The following TTLL8 variants were observed in gnomAD, a reference collection of about 807,000 sequenced individuals.
TTLL8 encodes the protein tubulin tyrosine ligase like 8.
In TTLL8, 65 loss-of-function variants were observed where a neutral mutation model predicts 77.8. The observed-to-expected ratio is 0.84, with a 90% CI of 0.68 to 1.03. The LOEUF is 1.03. Ranked by LOEUF, TTLL8 falls within the 50% of genes least tolerant of loss-of-function variation. The pLI is 0.00. For synonymous variants in TTLL8, 402 were observed against 422.8 expected (o/e 0.95, Z 0.60); for missense variants, 910 against 1,004.5 (o/e 0.91, Z 1.27).
chr22:50,034,288 C>T lies in TTLL8; in HGVS notation c.1039+57G>A. 7.6e-7 allele frequency: 1 copy of T among 1,322,522 alleles called. No individual in the cohort carries two copies. Among genetic ancestry groups the T allele is most frequent in the Non-Finnish European group, 1.0e-6 (1 of 999,220 alleles). 81.9% of individuals were successfully genotyped at this position (1,322,522 alleles called of 1,614,324 possible). On this transcript the variant is annotated intron_variant, in intron 9 of 13. Coordinates refer to ENST00000266182, the Ensembl canonical transcript of TTLL8. This position sits in a 1 kb window ranked among gnomAD's most constrained non-coding sequence, Gnocchi z 4.1. ...CTGAAACTGTCCCTCACTCACGGCTCCTGGCATCAAGTGTGGCCGTTGGTG... is the reference window on the plus strand; with the variant it reads ...CTGAAACTGTCCCTCACTCACGGCTTCTGGCATCAAGTGTGGCCGTTGGTG...
intron 8 of TTLL8, among the ~76,000 whole-genome samples, chr22:50,037,826 A>G (rs1221408644): frequency 3.9e-5 from 6 of 152,174 alleles, no homozygotes; most frequent in Non-Finnish European, 7.3e-5. Context: ...TTCTTTATCA[A>G]GTCTGTTTTG....
rs770585473 is a variant in TTLL8 at position 50,041,709 on chromosome 22, C to T, written c.742G>A (p.Glu248Lys). The T allele has an allele frequency of 7.3e-7, 1 of 1,366,796 alleles. No homozygotes were observed. The highest frequency in any genetic ancestry group is 9.8e-7 in the Non-Finnish European group (1 of 1,021,518). The allele number at this position is 1,366,796 out of a possible 1,614,324, so 84.7% of individuals were successfully genotyped here. Residue 248 changes from glutamate to lysine, a missense_variant, in exon 7 of 14, where the codon GAG becomes AAG. By Grantham distance (56) the Glu-to-Lys change is moderately conservative. Transcript: ENST00000266182. The surrounding 1 kb of genome is among the most constrained non-coding windows in gnomAD (Gnocchi z 4.3). ...GCATCTGCTGACGTGTCGATGTCCTCATGCTCCAGCTGCCCCAGGTAGGCC... is the reference window on the plus strand; with the variant it reads ...GCATCTGCTGACGTGTCGATGTCCTTATGCTCCAGCTGCCCCAGGTAGGCC...
intron 12 of TTLL8, among the ~76,000 whole-genome samples, chr22:50,025,635 G>C (rs2061226449): frequency 6.6e-6 from 1 of 152,054 alleles, no homozygotes; most frequent in African/African-American, 2.4e-5. Context: ...GTGAGACCTT[G>C]TCTCAAAAAT....
chr22:50,045,535 C>T, intron 5 of TTLL8, 146 bp from the exon 8 acceptor site: 1 of 704,486 alleles, frequency 1.4e-6, no homozygotes, highest in Non-Finnish European at 2.1e-6. Flanking sequence ...CACCCCCAGT[C>T]TGCCTGCCCT....
At position 50,035,109 on chromosome 22, in the gene TTLL8, G is replaced by A. The variant is rs150734326; in HGVS notation, c.922-647C>T. 6.1e-4 allele frequency among the ~76,000 whole-genome samples: 93 copies of A among 152,292 alleles called. 1 individual carries two copies. The East Asian group carries it at 0.014, about 24-fold the overall frequency. On this transcript the variant is annotated intron_variant, in intron 8 of 13. Transcript: ENST00000266182. ...GTTCGGGGGTGCACTCCTGCTGCCC[G>A]GATGGATTGGGGGGAAGCCATGCCA...
upstream of TTLL8, among the ~76,000 whole-genome samples, chr22:50,054,953 G>A (rs571588923): frequency 1.9e-4 from 29 of 152,204 alleles, no homozygotes; most frequent in South Asian, 8.3e-4. Flanking sequence ...CCAGCTACTC[G>A]GGAGGCTGAG....
intron 12 of TTLL8, among the ~76,000 whole-genome samples, chr22:50,020,337 C>A (rs548459891): frequency 6.6e-6 from 1 of 150,850 alleles, no homozygotes; most frequent in East Asian, 2.0e-4. Context: ...GTGCACACCT[C>A]CATCTAACGT....
At chr22:50,049,431 C>G (rs1217470559) in intron 2 of TTLL8, 109 bp from the exon 5 acceptor site, 17 of 1,230,456 alleles carry the variant, frequency 1.4e-5, no homozygotes, top group African/African-American at 3.1e-5. Flanking sequence ...TTCCAGAAAC[C>G]TGGCTCCAGA....
At chr22:50,055,779 G>A (rs1471378354), upstream of TTLL8, among the ~76,000 whole-genome samples, 1 of 152,190 alleles carries the variant, frequency 6.6e-6, no homozygotes, top group African/African-American at 2.4e-5. Flanking sequence ...TGTGGGAGAG[G>A]GGGTGTGGCC....
chr22:50,051,313 C>T lies in TTLL8; in HGVS notation c.52-1066G>A, dbSNP rs145706070. On this transcript the variant is annotated intron_variant, in intron 1 of 13. Coordinates refer to ENST00000266182, the Ensembl canonical transcript of TTLL8. ...TTGGTTTTCCATTCCTGAGTTACTT[C>T]GCTTGGAAGAATGGCCTTCAGCTCC... 1.1e-4 allele frequency among the ~76,000 whole-genome samples: 17 copies of T among 152,362 alleles called. No individual in the cohort carries two copies. The East Asian group carries it at 1.7e-3, about 16-fold the overall frequency.
chr22:50,050,244 TCTC>T (rs1178474989), exon 2 of TTLL8: 5 of 1,323,308 alleles, frequency 3.8e-6, no homozygotes, highest in African/African-American at 1.5e-5. Context: ...AAAATCTTCT[TCTC>T]CTAAAATGGC....
Position 50,041,173 on chromosome 22 carries a change from C to T in TTLL8, c.921+14G>A. ...TGAGGCAGGTGCCCCAGTGGAGAGA[C>T]AGACAAACCCCACCTGCCTGTCTCG... On this transcript the variant is annotated intron_variant, in intron 8 of 13. Transcript: ENST00000266182. The surrounding 1 kb of genome is among the most constrained non-coding windows in gnomAD (Gnocchi z 4.3). The T allele has an allele frequency of 2.3e-6, 1 of 425,584 alleles. No individual in the cohort carries two copies. The highest frequency in any genetic ancestry group is 4.6e-6 in the Non-Finnish European group (1 of 215,458). The allele number at this position is 425,584 out of a possible 1,614,324, so 26.4% of individuals were successfully genotyped here.
intron 11 of TTLL8, among the ~76,000 whole-genome samples, chr22:50,031,451 C>G (rs2146647238): frequency 6.6e-6 from 1 of 152,332 alleles, no homozygotes; most frequent in Middle Eastern, 3.4e-3. Context: ...GGCCGCTCCG[C>G]CCGCACGCCT....
At chr22:50,046,376 C>T (rs2061411776) in intron 4 of TTLL8, among the ~76,000 whole-genome samples, 2 of 152,216 alleles carry the variant, frequency 1.3e-5, no homozygotes, top group African/African-American at 4.8e-5. Context: ...GCCACATGCC[C>T]AGCACTGCCC....
intron 8 of TTLL8, among the ~76,000 whole-genome samples, chr22:50,038,339 T>C (rs1455824064): frequency 6.6e-6 from 1 of 152,188 alleles, no homozygotes; most frequent in Admixed American, 6.5e-5. Context: ...TCTTCCTTTC[T>C]GATCTTTATG....
At chr22:50,045,478 GC>G (rs2061403758) in intron 5 of TTLL8, 89 bp from the exon 8 acceptor site, 1 of 1,157,242 alleles carries the variant, frequency 8.6e-7, no homozygotes. Flanking sequence ...TCCCCAACCC[GC>G]CCCACTTCCC....
chr22:50,051,408 C>T (rs1481531068), intron 1 of TTLL8, among the ~76,000 whole-genome samples: 1 of 152,230 alleles, frequency 6.6e-6, no homozygotes, highest in Non-Finnish European at 1.5e-5. Flanking sequence ...GGTGCAGATA[C>T]ACCACAGTTT....
intron 10 of TTLL8, among the ~76,000 whole-genome samples, chr22:50,032,425 C>G (rs151000760): frequency 5.5e-4 from 84 of 152,336 alleles, no homozygotes; most frequent in Non-Finnish European, 9.0e-4. Flanking sequence ...GTTCCTGGAC[C>G]CCCTCCAGGC....
chr22:50,050,920 G>T (rs538770112), intron 1 of TTLL8, among the ~76,000 whole-genome samples: 1 of 152,182 alleles, frequency 6.6e-6, no homozygotes, highest in Admixed American at 6.5e-5. Context: ...TTCTTAAGAC[G>T]CGAGTCTGCT....
Sources: gnomAD v4.1 joint callset for allele counts (sites outside exome capture counted in the v4.1 genomes callset) on GRCh38, gnomAD v4.1.1 for gene constraint, Gnocchi (gnomAD v3.1) non-coding constraint, MANE v1.5 for transcripts, NCBI Gene and HGNC (gene_info 2026-07-23, HGNC 2026-07-21) for gene names.